The following GPC6 variants were observed in gnomAD, a reference collection of about 807,000 sequenced individuals.
The protein encoded by GPC6 is glypican 6.
A neutral mutation model predicts 55.2 loss-of-function variants in GPC6; 14 were observed. That is an observed-to-expected ratio of 0.25 (90% CI 0.17 to 0.40). The LOEUF (loss-of-function observed/expected upper bound fraction) is 0.40. Among genes scored for constraint, GPC6 ranks in the 10% least tolerant of loss-of-function variants. The pLI, the probability that GPC6 is intolerant of heterozygous loss-of-function variation, is 1.00. For synonymous variants in GPC6, 278 were observed against 259.6 expected (o/e 1.07, Z -0.68); for missense variants, 641 against 708.5 (o/e 0.90, Z 1.08).
At chr13:93,616,388 T>TA (rs1878724072) in intron 2 of GPC6, among the ~76,000 whole-genome samples, 1 of 152,120 alleles carries the variant, frequency 6.6e-6, no homozygotes, top group African/African-American at 2.4e-5. Flanking sequence ...GTTCATCTCT[T>TA]ACAATATGTG....
chr13:93,821,361 G>A (rs1887040916), intron 2 of GPC6, among the ~76,000 whole-genome samples: 1 of 152,076 alleles, frequency 6.6e-6, no homozygotes, highest in African/African-American at 2.4e-5. Flanking sequence ...AATGTTATAG[G>A]GATGAGGGTC....
At chr13:94,207,864 G>T (rs1274951856) in intron 4 of GPC6, among the ~76,000 whole-genome samples, 2 of 152,120 alleles carry the variant, frequency 1.3e-5, no homozygotes, top group African/African-American at 2.4e-5. Flanking sequence ...TTATGTTGGT[G>T]CAAAAGTAAT....
At chr13:93,314,712 GGTGTGTGT>G (rs370613459) in intron 1 of GPC6, among the ~76,000 whole-genome samples, 2,706 of 147,634 alleles carry the variant, frequency 0.018, 24 homozygotes, top group Non-Finnish European at 0.023. Context: ...AACAAGGAGG[GGTGTGTGT>G]GTGTGTGTGT....
chr13:93,676,199 G>GTATGTATATGTGTATATATACATGTA (rs1881624614), intron 2 of GPC6, among the ~76,000 whole-genome samples: 1 of 109,152 alleles, frequency 9.2e-6, no homozygotes, highest in Non-Finnish European at 1.8e-5. Flanking sequence ...ACATATATAT[G>GTATGTATATGTGTATATATACATGTA]TATGTATGTA....
At chr13:94,320,622 C>T (rs1032421871) in intron 6 of GPC6, among the ~76,000 whole-genome samples, 2 of 152,180 alleles carry the variant, frequency 1.3e-5, no homozygotes, top group African/African-American at 2.4e-5. Flanking sequence ...GTATTTTACT[C>T]TCCTGTCCTT....
chr13:93,711,707 A>G (rs368610300), intron 2 of GPC6, among the ~76,000 whole-genome samples: 4 of 151,588 alleles, frequency 2.6e-5, no homozygotes, highest in East Asian at 3.9e-4. Flanking sequence ...TAGCTGCACT[A>G]TTCTGCTCTA....
chr13:93,621,284 T>C (rs1043658411), intron 2 of GPC6, among the ~76,000 whole-genome samples: 1 of 152,184 alleles, frequency 6.6e-6, no homozygotes, highest in African/African-American at 2.4e-5. Context: ...TTGCAACCTG[T>C]TGGCCTTCAC....
In GPC6 at chr13:93,752,070, A is replaced by G. The variant is rs893598252; in HGVS notation, c.320-78084A>G. On this transcript the variant is annotated intron_variant, in intron 2 of 8. Transcript: ENST00000377047. ...ACTGAGTATAATAGTCCAGAAAAAAATCTATGAACTCTAATTCTGATTGTA... is the reference window on the plus strand; with the variant it reads ...ACTGAGTATAATAGTCCAGAAAAAAGTCTATGAACTCTAATTCTGATTGTA... Among the ~76,000 whole-genome samples, 84 of 152,266 alleles carry G rather than the reference A, an allele frequency of 5.5e-4. 1 individual carries two copies. The highest frequency in any genetic ancestry group is 2.0e-3 in the African/African-American group (82 of 41,542).
At chr13:93,664,802 A>T (rs1053900002) in intron 2 of GPC6, among the ~76,000 whole-genome samples, 1 of 152,088 alleles carries the variant, frequency 6.6e-6, no homozygotes, top group Non-Finnish European at 1.5e-5. Flanking sequence ...CTTTCTAAAC[A>T]TTTTTCTTTT....
In GPC6 at chr13:93,780,594, T is replaced by TACACACACAC. The variant is rs35134947; in HGVS notation, c.320-49532_320-49523dup. Among the ~76,000 whole-genome samples the TACACACACAC allele has an allele frequency of 4.1e-3, 593 of 143,930 alleles. 3 individuals are homozygous for TACACACACAC. Among genetic ancestry groups the TACACACACAC allele is most frequent in the East Asian group, 0.022 (107 of 4,880 alleles). The allele number at this position is 143,930 out of a possible 152,430, so 94.4% of individuals were successfully genotyped here. On this transcript the variant is annotated intron_variant, in intron 2 of 8. Coordinates refer to ENST00000377047, the MANE Select transcript of GPC6 (RefSeq NM_005708.5). Reference sequence around the variant, plus strand: ...ACTTTATGGTTCACGATCACAAAAATACACACACACACACACACACACACA... The same window carrying TACACACACAC: ...ACTTTATGGTTCACGATCACAAAAATACACACACACACACACACACACACACACACACACA...
intron 4 of GPC6, among the ~76,000 whole-genome samples, chr13:94,134,642 T>C (rs1328615296): frequency 6.6e-6 from 1 of 152,206 alleles, no homozygotes; most frequent in Non-Finnish European, 1.5e-5. Flanking sequence ...AATAAAATTA[T>C]GGAATGTGTT....
intron 3 of GPC6, among the ~76,000 whole-genome samples, chr13:93,869,860 G>C (rs1889074940): frequency 6.6e-6 from 1 of 150,876 alleles, no homozygotes; most frequent in South Asian, 2.1e-4. Flanking sequence ...ATAAGGAAAT[G>C]AACACATTTT....
chr13:93,313,535 A>G (rs1879143357), intron 1 of GPC6, among the ~76,000 whole-genome samples: 2 of 152,150 alleles, frequency 1.3e-5, no homozygotes, highest in South Asian at 4.1e-4. Flanking sequence ...AATAATTAAT[A>G]TGTCTAGACA....
chr13:93,857,788 C>T (rs932531911), intron 3 of GPC6, among the ~76,000 whole-genome samples: 3 of 151,214 alleles, frequency 2.0e-5, no homozygotes, highest in African/African-American at 7.3e-5. Flanking sequence ...ATAATTTTTC[C>T]AAATAGAGAA....
chr13:93,235,319 G>A (rs1876197228), intron 1 of GPC6, among the ~76,000 whole-genome samples: 1 of 152,260 alleles, frequency 6.6e-6, no homozygotes, highest in South Asian at 2.1e-4. Flanking sequence ...AAAGGAATCT[G>A]ATATTGAATA....
At chr13:93,766,344 C>T (rs1885130411) in intron 2 of GPC6, among the ~76,000 whole-genome samples, 1 of 151,930 alleles carries the variant, frequency 6.6e-6, no homozygotes, top group African/African-American at 2.4e-5. Context: ...GAAACTTTTC[C>T]TTTGTTAAGA....
intron 3 of GPC6, among the ~76,000 whole-genome samples, chr13:93,912,598 C>A (rs1267417618): frequency 6.6e-6 from 1 of 152,024 alleles, no homozygotes; most frequent in Non-Finnish European, 1.5e-5. Flanking sequence ...AAAAAATTAG[C>A]CTGGTGTGGT....
chr13:93,556,326 C>T (rs115691703), intron 2 of GPC6, among the ~76,000 whole-genome samples: 3,559 of 149,470 alleles, frequency 0.024, 115 homozygotes, highest in African/African-American at 0.081. Context: ...TGTTTTGAAG[C>T]GCAGTATCTT....
At chr13:94,135,639 A>G (rs890914240) in intron 4 of GPC6, among the ~76,000 whole-genome samples, 1 of 152,234 alleles carries the variant, frequency 6.6e-6, no homozygotes, top group Admixed American at 6.5e-5. Context: ...TGCATCAGCC[A>G]TTACACCAAT....
Sources: gnomAD v4.1 joint callset for allele counts (sites outside exome capture counted in the v4.1 genomes callset) on GRCh38, gnomAD v4.1.1 for gene constraint, MANE v1.5 for transcripts, NCBI Gene and HGNC (gene_info 2026-07-23, HGNC 2026-07-21) for gene names.